Variants in SCML4 observed in about 807,000 individuals in gnomAD.
SCML4 encodes Scm polycomb group protein like 4.
A neutral mutation model predicts 41.1 loss-of-function variants in SCML4; 34 were observed. The ratio of observed to expected loss-of-function variants is 0.83; its 90% confidence interval spans 0.63 to 1.10. The LOEUF (loss-of-function observed/expected upper bound fraction) is 1.10, where lower values mean the gene tolerates loss of function less well. SCML4 is among the 50% of genes least tolerant of loss of function. The probability of loss-of-function intolerance (pLI) is 0.00; values close to 1 mark genes in which losing one functional copy is unlikely to be tolerated. For synonymous variants in SCML4, 214 were observed against 220.9 expected, an observed-to-expected ratio of 0.97 and a Z score of 0.28; for missense variants, 522 against 534.1, an observed-to-expected ratio of 0.98 and a Z score of 0.22.
At chr6:107,708,065 C>A in intron 6 of SCML4, 54 bp from the exon 7 acceptor site, 1 of 1,529,586 alleles carries the variant, frequency 6.5e-7, no homozygotes, top group Non-Finnish European at 8.8e-7. Flanking sequence ...GGCCTTGCAC[C>A]TACCTGGTGC....
At chr6:107,738,560 G>T (rs530286870) in intron 5 of SCML4, among the ~76,000 whole-genome samples, 1 of 151,942 alleles carries the variant, frequency 6.6e-6, no homozygotes, top group African/African-American at 2.4e-5. Context: ...GGTGGAGGTC[G>T]CAGTGAGCCG....
At chr6:107,751,614 CTTTCTTTCTTTCTTT>C (rs1562218773) in intron 2 of SCML4, among the ~76,000 whole-genome samples, 4 of 146,286 alleles carry the variant, frequency 2.7e-5, no homozygotes, top group Non-Finnish European at 6.0e-5. Flanking sequence ...TTCTTTCTTT[CTTTCTTTCTTTCTTT>C]CTTTCTTTCT....
intron 1 of SCML4, among the ~76,000 whole-genome samples, chr6:107,792,227 C>T (rs1374147816): frequency 6.6e-6 from 1 of 152,166 alleles, no homozygotes; most frequent in East Asian, 1.9e-4. Flanking sequence ...ATGACAGCAC[C>T]AACCTGCAGA....
At chr6:107,706,250 T>C (rs927707231) in intron 7 of SCML4, among the ~76,000 whole-genome samples, 4 of 152,160 alleles carry the variant, frequency 2.6e-5, no homozygotes, top group Non-Finnish European at 5.9e-5. Flanking sequence ...GAGCCTCATT[T>C]TCTACTGTCT....
intron 5 of SCML4, among the ~76,000 whole-genome samples, chr6:107,724,769 G>A (rs76614126): frequency 0.016 from 2,473 of 152,218 alleles, 46 homozygotes; most frequent in Admixed American, 0.056. Flanking sequence ...AGAAAATAAC[G>A]AGCTAATTCC....
the SCML4 span, among the ~76,000 whole-genome samples, chr6:107,837,186 T>C: frequency 1.3e-5 from 2 of 152,194 alleles, no homozygotes; most frequent in Non-Finnish European, 2.9e-5. Context: ...ACTCTACCCA[T>C]TACCAAGTCT....
intron 1 of SCML4, among the ~76,000 whole-genome samples, chr6:107,774,010 T>G (rs964863108): frequency 2.6e-5 from 4 of 152,232 alleles, no homozygotes; most frequent in South Asian, 4.1e-4. Context: ...GGTCACTTTG[T>G]TAATTTTCTG....
At chr6:107,705,377 T>C (rs1287736207) in intron 7 of SCML4, 52 bp from the exon 8 acceptor site, 3 of 1,530,416 alleles carry the variant, frequency 2.0e-6, no homozygotes, top group African/African-American at 1.4e-5. Flanking sequence ...GTCAGAGTCA[T>C]CGAACAGTGG....
the SCML4 span, among the ~76,000 whole-genome samples, chr6:107,835,018 CAA>C: frequency 6.6e-6 from 1 of 151,254 alleles, no homozygotes; most frequent in African/African-American, 2.4e-5. Context: ...TCTTAAAAGA[CAA>C]AATATAATAT....
the SCML4 span, among the ~76,000 whole-genome samples, chr6:107,833,436 G>T: frequency 6.6e-6 from 1 of 152,106 alleles, no homozygotes; most frequent in South Asian, 2.1e-4. Flanking sequence ...CTAGCCATGG[G>T]GTAGCTGGAG....
At chr6:107,784,668 A>G (rs1781748868) in intron 1 of SCML4, among the ~76,000 whole-genome samples, 1 of 152,250 alleles carries the variant, frequency 6.6e-6, no homozygotes, top group Non-Finnish European at 1.5e-5. Context: ...AATAAAAACA[A>G]TCCAATAAAG....
intron 6 of SCML4, among the ~76,000 whole-genome samples, chr6:107,708,844 G>A (rs1704393276): frequency 6.6e-6 from 1 of 152,182 alleles, no homozygotes; most frequent in Non-Finnish European, 1.5e-5. Flanking sequence ...TTCAATGGCC[G>A]GCAATATTTA....
At chr6:107,761,479 C>T (rs181459003) in intron 2 of SCML4, among the ~76,000 whole-genome samples, 24 of 151,754 alleles carry the variant, frequency 1.6e-4, no homozygotes, top group South Asian at 6.2e-4. Flanking sequence ...CTCTGTCACC[C>T]GTGCTGGAGT....
At chr6:107,735,618 G>A (rs558136829) in intron 5 of SCML4, among the ~76,000 whole-genome samples, 2 of 151,900 alleles carry the variant, frequency 1.3e-5, no homozygotes, top group South Asian at 4.2e-4. Flanking sequence ...GACCAACATG[G>A]CAAAACTCCA....
intron 1 of SCML4, among the ~76,000 whole-genome samples, chr6:107,773,465 G>A (rs1275657120): frequency 1.3e-5 from 2 of 152,066 alleles, no homozygotes; most frequent in South Asian, 2.1e-4. Context: ...GGCTGCCCAT[G>A]CCTGTAATCC....
chr6:107,711,908 C>T (rs1309554498), intron 6 of SCML4, among the ~76,000 whole-genome samples: 1 of 152,144 alleles, frequency 6.6e-6, no homozygotes, highest in African/African-American at 2.4e-5. Flanking sequence ...GAGGAGAATA[C>T]AGCATCACAT....
intron 2 of SCML4, among the ~76,000 whole-genome samples, chr6:107,766,316 G>C (rs1780033729): frequency 6.6e-6 from 1 of 150,602 alleles, no homozygotes; most frequent in South Asian, 2.1e-4. Flanking sequence ...GTTGCAGTGA[G>C]CCGAAATTGC....
At chr6:107,711,797 AT>A (rs1304288691) in intron 6 of SCML4, among the ~76,000 whole-genome samples, 1 of 152,140 alleles carries the variant, frequency 6.6e-6, no homozygotes, top group African/African-American at 2.4e-5. Context: ...CCTTCACTTT[AT>A]TTCCCTTCTT....
upstream of SCML4, among the ~76,000 whole-genome samples, chr6:107,826,931 C>T (rs1785280057): frequency 6.6e-6 from 1 of 151,992 alleles, no homozygotes; most frequent in Admixed American, 6.6e-5. Context: ...GGAGTGGTGG[C>T]AGGCGCCTGT....
Sources: gnomAD v4.1 joint callset for allele counts (sites outside exome capture counted in the v4.1 genomes callset) on GRCh38, gnomAD v4.1.1 for gene constraint, MANE v1.5 for transcripts, NCBI Gene and HGNC (gene_info 2026-07-23, HGNC 2026-07-21) for gene names.